SPPL3: variants seen among roughly 807,000 people sequenced by gnomAD.
The protein encoded by SPPL3 is signal peptide peptidase-like 3.
SPPL3 carries 5 observed loss-of-function variants against 42.4 expected under a neutral mutation model. That is an observed-to-expected ratio of 0.12 (90% CI 0.06 to 0.25). The LOEUF is 0.25. Ranked by LOEUF, SPPL3 falls within the 10% of genes least tolerant of loss-of-function variation. The pLI is 1.00. For missense variants in SPPL3, 235 were observed against 489.0 expected (o/e 0.48, Z 4.90); for synonymous variants, 195 against 181.8 (o/e 1.07, Z -0.58).
At chr12:120,800,864 T>A (rs1870272079) in intron 2 of SPPL3, among the ~76,000 whole-genome samples, 2 of 152,194 alleles carry the variant, frequency 1.3e-5, no homozygotes, top group Admixed American at 1.3e-4. Context: ...TTGATTGAGC[T>A]CATACTGTCA....
rs1874076573 is a variant in SPPL3 at position 120,904,042 on chromosome 12, C to A, written c.-175G>T. On this transcript the variant is annotated 5_prime_UTR_variant, in exon 1 of 11. Transcript: ENST00000353487. Reference sequence around the variant, plus strand: ...GCGGCTGGCGGGGAGAGGCCGGGCTCCGAAGCGGCCCCGCTCCCTGGGCCC... The same window carrying A: ...GCGGCTGGCGGGGAGAGGCCGGGCTACGAAGCGGCCCCGCTCCCTGGGCCC... 2.4e-6 allele frequency: 1 copy of A among 419,242 alleles called. No homozygotes were observed. The highest frequency in any genetic ancestry group is 1.1e-4 in the South Asian group (1 of 9,048). 26.0% of individuals were successfully genotyped at this position (419,242 alleles called of 1,614,324 possible).
intron 5 of SPPL3, 103 bp downstream of exon 5, chr12:120,783,571 G>C (rs1592960153): frequency 9.2e-7 from 1 of 1,092,878 alleles, no homozygotes; most frequent in Non-Finnish European, 1.3e-6. Flanking sequence ...GCATTTCTGT[G>C]CTCCAGCCAA....
chr12:120,887,536 A>C (rs967872156), intron 1 of SPPL3, among the ~76,000 whole-genome samples: 1 of 152,174 alleles, frequency 6.6e-6, no homozygotes, highest in Non-Finnish European at 1.5e-5. Context: ...CACTTAACCA[A>C]AGGGAAGAAA....
chr12:120,766,160 A>T, intron 10 of SPPL3, 103 bp downstream of exon 10: 2 of 892,674 alleles, frequency 2.2e-6, no homozygotes, highest in South Asian at 1.7e-5. Flanking sequence ...TCACAAGCTC[A>T]CTCAGGGGCT....
chr12:120,872,392 G>A (rs1872959776), intron 1 of SPPL3, among the ~76,000 whole-genome samples: 1 of 152,100 alleles, frequency 6.6e-6, no homozygotes, highest in South Asian at 2.1e-4. Context: ...CCCCCTCCAG[G>A]GAAAGGAAAA....
chr12:120,791,890 T>C (rs1592964405), intron 2 of SPPL3: 2 of 289,794 alleles, frequency 6.9e-6, no homozygotes, highest in South Asian at 6.7e-5. Flanking sequence ...GACTTTTACA[T>C]ACCACACAAC....
chr12:120,793,625 G>C (rs1243424024), intron 2 of SPPL3, among the ~76,000 whole-genome samples: 1 of 152,214 alleles, frequency 6.6e-6, no homozygotes, highest in African/African-American at 2.4e-5. Context: ...AATGTGAACT[G>C]GTGCAGACAC....
intron 1 of SPPL3, among the ~76,000 whole-genome samples, chr12:120,839,046 G>A (rs575638918): frequency 2.0e-5 from 3 of 152,024 alleles, no homozygotes; most frequent in Non-Finnish European, 4.4e-5. Flanking sequence ...CTGCTATAAA[G>A]ACACATGCAC....
At chr12:120,792,466 C>A (rs893328047) in intron 2 of SPPL3, among the ~76,000 whole-genome samples, 2 of 151,928 alleles carry the variant, frequency 1.3e-5, no homozygotes, top group African/African-American at 4.8e-5. Flanking sequence ...CTTTGGGAGC[C>A]CCAGGCGGGC....
chr12:120,852,948 G>A (rs913698941), intron 1 of SPPL3, among the ~76,000 whole-genome samples: 1 of 146,022 alleles, frequency 6.8e-6, no homozygotes, highest in Non-Finnish European at 1.5e-5. Flanking sequence ...AGGCTGGAGT[G>A]CAGTGGTGCA....
At chr12:120,887,227 C>T (rs1417084644) in intron 1 of SPPL3, among the ~76,000 whole-genome samples, 2 of 151,948 alleles carry the variant, frequency 1.3e-5, no homozygotes, top group African/African-American at 4.8e-5. Context: ...GGATTACAGG[C>T]GTGAAATAAG....
At chr12:120,767,184 A>C (rs1327609166) in intron 9 of SPPL3, among the ~76,000 whole-genome samples, 1 of 152,196 alleles carries the variant, frequency 6.6e-6, no homozygotes, top group Non-Finnish European at 1.5e-5. Context: ...TGCTTTTCCT[A>C]CAACGTTCTT....
At chr12:120,824,117 G>A (rs900562263) in intron 1 of SPPL3, among the ~76,000 whole-genome samples, 8 of 151,996 alleles carry the variant, frequency 5.3e-5, no homozygotes, top group Admixed American at 2.6e-4. Context: ...TGATTTGCCC[G>A]CCTCAGCCTC....
At chr12:120,792,209 T>A (rs1246283116) in intron 2 of SPPL3, among the ~76,000 whole-genome samples, 2 of 152,192 alleles carry the variant, frequency 1.3e-5, no homozygotes, top group Non-Finnish European at 2.9e-5. Context: ...CAGGAAGGCC[T>A]CACTGACAGT....
intron 1 of SPPL3, among the ~76,000 whole-genome samples, chr12:120,882,652 C>T (rs1435693554): frequency 6.6e-6 from 1 of 152,084 alleles, no homozygotes; most frequent in African/African-American, 2.4e-5. Context: ...TATCAAAAGA[C>T]ATTCAAGATA....
intron 7 of SPPL3, 55 bp downstream of exon 7, chr12:120,768,898 A>C: frequency 6.8e-7 from 1 of 1,462,198 alleles, no homozygotes; most frequent in Non-Finnish European, 9.4e-7. Context: ...TTCAGGCATG[A>C]ATGCTTCACT....
At chr12:120,810,157 T>A (rs1490106188) in intron 2 of SPPL3, among the ~76,000 whole-genome samples, 2 of 152,038 alleles carry the variant, frequency 1.3e-5, no homozygotes, top group African/African-American at 4.8e-5. Flanking sequence ...TTAAAAAATA[T>A]TTTTTGTAGA....
chr12:120,776,137 G>T (rs1166052488), intron 6 of SPPL3, among the ~76,000 whole-genome samples: 1 of 152,230 alleles, frequency 6.6e-6, no homozygotes, highest in East Asian at 1.9e-4. Context: ...TCACAAGGGC[G>T]TTTCAACCAG....
At chr12:120,797,989 G>C (rs1438506860) in intron 2 of SPPL3, among the ~76,000 whole-genome samples, 1 of 152,160 alleles carries the variant, frequency 6.6e-6, no homozygotes, top group Non-Finnish European at 1.5e-5. Flanking sequence ...GGGGGGTCTG[G>C]GGAGGATAAT....
Sources: gnomAD v4.1 joint callset for allele counts (sites outside exome capture counted in the v4.1 genomes callset) on GRCh38, gnomAD v4.1.1 for gene constraint, MANE v1.5 for transcripts, NCBI Gene and HGNC (gene_info 2026-07-23, HGNC 2026-07-21) for gene names.